Variants in SLC7A9 observed in about 807,000 individuals in gnomAD.
SLC7A9 encodes B(0,+)-type amino acid transporter 1.
In SLC7A9, 38 loss-of-function variants were observed where a neutral mutation model predicts 54.1. The ratio of observed to expected loss-of-function variants is 0.70; its 90% CI spans 0.54 to 0.92. The LOEUF (loss-of-function observed/expected upper bound fraction) is 0.92, where lower values mean the gene tolerates loss of function less well. Ranked by LOEUF, SLC7A9 falls within the 40% of genes least tolerant of loss-of-function variation. The probability of loss-of-function intolerance (pLI) is 0.00; values close to 1 mark genes in which losing one functional copy is unlikely to be tolerated. For missense variants in SLC7A9, 537 were observed against 636.1 expected, an observed-to-expected ratio of 0.84 and a Z score of 1.68; for synonymous variants, 264 against 258.9, an observed-to-expected ratio of 1.02 and a Z score of -0.19.
chr19:32,858,936 A>C (rs1968713261), intron 8 of SLC7A9, among the ~76,000 whole-genome samples: 1 of 151,660 alleles, frequency 6.6e-6, no homozygotes, highest in South Asian at 2.1e-4. Flanking sequence ...TTACAGGCGC[A>C]TGCCACCACA....
chr19:32,864,343 A>T lies in SLC7A9; in HGVS notation c.236-5T>A. 6.2e-7 allele frequency: 1 copy of T among 1,613,814 alleles called. No individual in the cohort carries two copies. The highest frequency in any genetic ancestry group is 8.5e-7 in the Non-Finnish European group (1 of 1,179,994). ...GCTCCGCAAAGCACAGGGCACCTGG[A>T]ACACAGAGAGGAAGGGCCCACAGGC... On this transcript the variant is annotated splice_polypyrimidine_tract_variant and splice_region_variant and intron_variant, in intron 3 of 12. Coordinates refer to ENST00000023064, the MANE Select transcript of SLC7A9 (RefSeq NM_014270.5).
rs1387937357 is a variant in SLC7A9, at chr19:32,864,627, A to ACCCAG, written c.232_235+1dup. 1.9e-6 allele frequency: 3 copies of ACCCAG among 1,612,980 alleles called. No homozygotes were observed. The highest frequency in any genetic ancestry group is 2.5e-6 in the Non-Finnish European group (3 of 1,179,976). On this transcript the variant is annotated splice_donor_variant, in intron 3 of 12. Coordinates refer to ENST00000023064, the MANE Select transcript of SLC7A9 (RefSeq NM_014270.5). LOFTEE classifies it high-confidence loss of function. Reference sequence around the variant, plus strand: ...CTGCAACAGGCTCCCAAGTCTCTTTACCCAGCGTCGCGAGGACCCCGCAAG... The same window carrying ACCCAG: ...CTGCAACAGGCTCCCAAGTCTCTTTACCCAGCCCAGCGTCGCGAGGACCCCGCAAG...
Position 32,862,661 on chromosome 19 carries a change from A to AT in SLC7A9, c.479-76dup, listed in dbSNP as rs1161216387. ...GGAGAGAGTCTCCTTTCTTTTATATATTTTTTATTTTTTTTTTTTTTTGAG... is the reference window on the plus strand; with the variant it reads ...GGAGAGAGTCTCCTTTCTTTTATATATTTTTTTATTTTTTTTTTTTTTTGAG... On this transcript the variant is annotated intron_variant, in intron 4 of 12. Transcript: ENST00000023064. 5.8e-5 allele frequency: 75 copies of AT among 1,283,120 alleles called. No homozygotes were observed. The East Asian group carries it at 7.5e-4, about 13-fold the overall frequency. The allele number at this position is 1,283,120 out of a possible 1,614,324, so 79.5% of individuals were successfully genotyped here. A position where few individuals can be genotyped will look rare whatever the true frequency, so the allele number is the denominator to read the frequency against.
chr19:32,853,615 C>CT (rs71176158), intron 9 of SLC7A9, among the ~76,000 whole-genome samples: 66,278 of 151,646 alleles, frequency 0.44, 15,481 homozygotes, highest in East Asian at 0.73. Flanking sequence ...ACTCAAAAAA[C>CT]TTTTTTTTAC....
intron 9 of SLC7A9, among the ~76,000 whole-genome samples, chr19:32,856,840 G>A (rs1968642623): frequency 1.3e-5 from 2 of 152,054 alleles, no homozygotes; most frequent in Non-Finnish European, 2.9e-5. Context: ...GCCCATATAA[G>A]CAATTATTAT....
chr19:32,830,729 T>G (rs1967757232), intron 12 of SLC7A9, 45 bp from the exon 13 acceptor site: 3 of 1,506,854 alleles, frequency 2.0e-6, no homozygotes, highest in South Asian at 1.1e-5. Context: ...AGACTGAAAT[T>G]CGAAAGTTTC....
intron 7 of SLC7A9, 144 bp from the exon 8 acceptor site, chr19:32,860,108 G>A: frequency 1.3e-6 from 2 of 1,554,750 alleles, no homozygotes; most frequent in Non-Finnish European, 1.7e-6. Flanking sequence ...AAATGAGAAT[G>A]CTGCCTCTCT....
At chr19:32,835,171 T>C (rs1250756665) in intron 11 of SLC7A9, among the ~76,000 whole-genome samples, 2 of 152,252 alleles carry the variant, frequency 1.3e-5, no homozygotes, top group Non-Finnish European at 2.9e-5. Context: ...ATATATTATC[T>C]TTTTAGTGTA....
intron 2 of SLC7A9, among the ~76,000 whole-genome samples, chr19:32,865,395 C>T (rs1968938067): frequency 6.6e-6 from 1 of 152,234 alleles, no homozygotes; most frequent in African/African-American, 2.4e-5. Context: ...CCTCGAACTC[C>T]TGGGCTCAAA....
intron 9 of SLC7A9, among the ~76,000 whole-genome samples, chr19:32,847,617 G>A (rs373440304): frequency 2.8e-4 from 42 of 152,262 alleles, no homozygotes; most frequent in Non-Finnish European, 4.4e-4. Flanking sequence ...ACTCTGCAGG[G>A]TATTATCCAG....
rs761493043 is a variant in SLC7A9, at chr19:32,833,113, TCA to T, written c.1399+34_1399+35del. ...TGAGGACGCCGTGCCTGCCTGCACC[TCA>T]CAGAGGCCAAGCGGCCCTTCTGTTG... On this transcript the variant is annotated intron_variant, in intron 12 of 12. Transcript: ENST00000023064. 2.0e-5 allele frequency: 32 copies of T among 1,610,746 alleles called. No individual in the cohort carries two copies. The South Asian group carries it at 3.3e-4, about 17-fold the overall frequency.
intron 10 of SLC7A9, 64 bp downstream of exon 10, chr19:32,843,791 T>A: frequency 7.9e-7 from 1 of 1,272,786 alleles, no homozygotes; most frequent in Non-Finnish European, 1.1e-6. Flanking sequence ...GCCGCCGGGC[T>A]TAGCACCCCA....
Position 32,830,634 on chromosome 19 carries a change from C to T in SLC7A9, c.1450G>A (p.Glu484Lys). The change falls in exon 13 of 13, where the codon GAA (glutamate) becomes AAA (lysine). Residue 484 changes from glutamate to lysine, a missense_variant. By Grantham distance (56) the Glu-to-Lys change is moderately conservative. Transcript: ENST00000023064. Reference sequence around the variant, plus strand: ...GACGGAGCTTGTTACTCAGGGTCTTCCTCCGGTGGGACCACTTCCATTAGC... The same window carrying T: ...GACGGAGCTTGTTACTCAGGGTCTTTCTCCGGTGGGACCACTTCCATTAGC... ...QMLMEVVPPE[E>K]DPE The T allele has an allele frequency of 1.2e-6, 2 of 1,613,890 alleles. No homozygotes were observed. The highest frequency in any genetic ancestry group is 1.3e-5 in the African/African-American group (1 of 75,050).
intron 9 of SLC7A9, among the ~76,000 whole-genome samples, chr19:32,846,179 T>C (rs553001711): frequency 6.6e-4 from 100 of 152,300 alleles, no homozygotes; most frequent in Non-Finnish European, 1.2e-3. Context: ...CGCAGGACAG[T>C]GGGTGCAGCA....
intron 1 of SLC7A9, among the ~76,000 whole-genome samples, chr19:32,868,950 TGTAATCCCAGCACTTTCGGAGGC>T (rs1191401412): frequency 6.6e-6 from 1 of 151,904 alleles, no homozygotes; most frequent in East Asian, 1.9e-4. Flanking sequence ...GGCTCAGGTC[TGTAATCCCAGCACTTTCGGAGGC>T]CGAGGTGGGT....
chr19:32,862,760 C>T (rs1351270731), intron 4 of SLC7A9, 174 bp from the exon 5 acceptor site: 2 of 501,498 alleles, frequency 4.0e-6, no homozygotes, highest in Non-Finnish European at 6.2e-6. Context: ...CAATCTTTGC[C>T]TCCCCGGTTC....
chr19:32,851,333 AAAC>A (rs1247129213), intron 9 of SLC7A9, among the ~76,000 whole-genome samples: 2 of 152,112 alleles, frequency 1.3e-5, no homozygotes, highest in African/African-American at 2.4e-5. Flanking sequence ...TACAAGAAAA[AAAC>A]AACCCCATCA....
intron 4 of SLC7A9, among the ~76,000 whole-genome samples, chr19:32,863,589 G>C (rs1968870479): frequency 3.9e-5 from 6 of 151,984 alleles, no homozygotes. Flanking sequence ...TCAAACTCTT[G>C]GCCTCAAGCG....
chr19:32,845,016 C>T (rs1337301463), intron 9 of SLC7A9, among the ~76,000 whole-genome samples: 1 of 148,278 alleles, frequency 6.7e-6, no homozygotes, highest in South Asian at 2.1e-4. Flanking sequence ...TACAAAAAAT[C>T]AGCTGGGCAT....
Sources: gnomAD v4.1 joint callset for allele counts (sites outside exome capture counted in the v4.1 genomes callset) on GRCh38, gnomAD v4.1.1 for gene constraint, MANE v1.5 for transcripts, NCBI Gene and HGNC (gene_info 2026-07-23, HGNC 2026-07-21) for gene names.